The following DISP1 variants were observed in gnomAD, a reference collection of about 807,000 sequenced individuals.
DISP1 encodes the protein protein dispatched homolog 1.
In DISP1, 30 loss-of-function variants were observed where a neutral mutation model predicts 37.3. The observed-to-expected ratio is 0.80, with a 90% CI of 0.60 to 1.09. The LOEUF (loss-of-function observed/expected upper bound fraction) is 1.09, where lower values mean the gene tolerates loss of function less well. DISP1 is among the 50% of genes least tolerant of loss of function. The probability of loss-of-function intolerance (pLI) is 0.00; values close to 1 mark genes in which losing one functional copy is unlikely to be tolerated. For synonymous variants in DISP1, 634 were observed against 690.2 expected (o/e 0.92, Z 1.28); for missense variants, 1,598 against 1,879.5 (o/e 0.85, Z 2.77).
Position 222,895,434 on chromosome 1 carries a change from A to T in DISP1, c.-158-32996A>T, listed in dbSNP as rs140171538. Among the ~76,000 whole-genome samples, 234 of 149,618 alleles carry T rather than the reference A, an allele frequency of 1.6e-3. 2 individuals carry two copies. The highest frequency in any genetic ancestry group is 3.5e-3 in the East Asian group (18 of 5,190). ...TTGTTTTAAGAATAACTGATTTTTT[A>T]AAAAAATGATGAAATACAAACTTCT... On this transcript the variant is annotated intron_variant, in intron 1 of 8. Coordinates refer to ENST00000675850, the MANE Select transcript of DISP1 (RefSeq NM_001377229.1).
chr1:222,867,701 G>C (rs1022024216), intron 1 of DISP1, among the ~76,000 whole-genome samples: 1 of 152,180 alleles, frequency 6.6e-6, no homozygotes, highest in Non-Finnish European at 1.5e-5. Flanking sequence ...TAGTGGCAAA[G>C]CTAGAAATAG....
At chr1:222,996,818 C>G (rs1397941412) in intron 8 of DISP1, among the ~76,000 whole-genome samples, 1 of 152,084 alleles carries the variant, frequency 6.6e-6, no homozygotes, top group African/African-American at 2.4e-5. Flanking sequence ...AAGATACCTC[C>G]CCCGTTTTGT....
At chr1:222,947,569 C>A (rs1271870027) in intron 3 of DISP1, among the ~76,000 whole-genome samples, 1 of 152,064 alleles carries the variant, frequency 6.6e-6, no homozygotes, top group Admixed American at 6.6e-5. Flanking sequence ...TATGCTCAGA[C>A]CAGAAGTGGA....
chr1:222,952,708 GGT>G (rs1438538438), intron 3 of DISP1, among the ~76,000 whole-genome samples: 1 of 152,098 alleles, frequency 6.6e-6, no homozygotes, highest in Admixed American at 6.5e-5. Context: ...AAATTAGCTG[GGT>G]GTGGTGGCAC....
intron 1 of DISP1, among the ~76,000 whole-genome samples, chr1:222,822,388 T>C (rs1304845695): frequency 6.6e-6 from 1 of 152,216 alleles, no homozygotes; most frequent in African/African-American, 2.4e-5. Context: ...CCTCTTTATA[T>C]CATTTTGTAT....
In DISP1 at chr1:223,002,428, C is replaced by G. The variant is rs762959270; in HGVS notation, c.1031C>G (p.Thr344Ser). Residue 344 changes from threonine to serine, a missense_variant, in exon 9 of 9, where the codon ACT becomes AGT. Physicochemically the swap from Thr to Ser is moderately conservative, Grantham distance 58. Transcript: ENST00000675850. ...PQFGDLCQRT[T>S]AASCCPSWTL... Reference sequence around the variant, plus strand: ...TTTGGTGATCTCTGCCAGAGGACCACTGCTGCCTCCTGCTGCCCCAGCTGG... The same window carrying G: ...TTTGGTGATCTCTGCCAGAGGACCAGTGCTGCCTCCTGCTGCCCCAGCTGG... 1 of 1,614,184 alleles carries G rather than the reference C, an allele frequency of 6.2e-7. No individual in the cohort carries two copies. Among genetic ancestry groups the G allele is most frequent in the African/African-American group, 1.3e-5 (1 of 75,046 alleles).
chr1:222,869,823 T>C (rs1234361148), intron 1 of DISP1, among the ~76,000 whole-genome samples: 1 of 152,160 alleles, frequency 6.6e-6, no homozygotes, highest in East Asian at 1.9e-4. Flanking sequence ...AGTTTTAGGG[T>C]ACATGTGCAC....
At chr1:222,871,639 C>T (rs373684302) in intron 1 of DISP1, among the ~76,000 whole-genome samples, 2 of 152,140 alleles carry the variant, frequency 1.3e-5, no homozygotes, top group African/African-American at 2.4e-5. Flanking sequence ...ATTGATTTTG[C>T]ATCCTGAGAC....
chr1:222,990,530 A>G, intron 4 of DISP1, 95 bp from the exon 5 acceptor site: 1 of 1,598,934 alleles, frequency 6.3e-7, no homozygotes, highest in Non-Finnish European at 8.6e-7. Flanking sequence ...TGTCTTAGGT[A>G]CCAAAAATAT....
chr1:222,956,396 G>A (rs574565883), intron 3 of DISP1, among the ~76,000 whole-genome samples: 3 of 152,316 alleles, frequency 2.0e-5, no homozygotes, highest in African/African-American at 7.2e-5. Flanking sequence ...CAAGAAATCA[G>A]ATTAATGACT....
At chr1:222,937,612 C>G (rs1674049476) in intron 2 of DISP1, among the ~76,000 whole-genome samples, 2 of 151,836 alleles carry the variant, frequency 1.3e-5, no homozygotes, top group Admixed American at 1.3e-4. Flanking sequence ...ACCTTGTAGC[C>G]CCAAAATTGC....
At chr1:222,836,027 G>A (rs1168084488) in intron 1 of DISP1, among the ~76,000 whole-genome samples, 2 of 151,788 alleles carry the variant, frequency 1.3e-5, no homozygotes, top group Non-Finnish European at 2.9e-5. Flanking sequence ...TAAGATAGTA[G>A]TAGCAAATAG....
At chr1:222,826,965 C>T (rs1172784906) in intron 1 of DISP1, among the ~76,000 whole-genome samples, 3 of 152,150 alleles carry the variant, frequency 2.0e-5, no homozygotes, top group African/African-American at 7.2e-5. Flanking sequence ...ATGTTATTTT[C>T]TATTAGAGTA....
At position 222,919,425 on chromosome 1, in the gene DISP1, G is replaced by A. The variant is rs139828237; in HGVS notation, c.-158-9005G>A. Among the ~76,000 whole-genome samples the A allele has an allele frequency of 7.2e-5, 11 of 152,282 alleles. No homozygotes were observed. The South Asian group carries it at 1.2e-3, about 17-fold the overall frequency. Reference sequence around the variant, plus strand: ...TGATCAATCAAACAGCTGACCAATCGTTATCTGCTCCTCCCTGCTCTGTCT... The same window carrying A: ...TGATCAATCAAACAGCTGACCAATCATTATCTGCTCCTCCCTGCTCTGTCT... On this transcript the variant is annotated intron_variant, in intron 1 of 8. Transcript: ENST00000675850.
intron 1 of DISP1, among the ~76,000 whole-genome samples, chr1:222,829,938 G>GT (rs907517540): frequency 3.3e-5 from 5 of 151,726 alleles, no homozygotes; most frequent in South Asian, 2.1e-4. Flanking sequence ...TGTTTTGTGG[G>GT]TTTTTTTTAG....
intron 1 of DISP1, among the ~76,000 whole-genome samples, chr1:222,844,004 C>A (rs1218180497): frequency 1.3e-5 from 2 of 152,078 alleles, no homozygotes; most frequent in African/African-American, 4.8e-5. Context: ...AAAGTACTAC[C>A]TTTTTACATG....
intron 3 of DISP1, among the ~76,000 whole-genome samples, chr1:222,954,698 G>T (rs1303038762): frequency 6.6e-6 from 1 of 152,094 alleles, no homozygotes; most frequent in Non-Finnish European, 1.5e-5. Flanking sequence ...TGTCATAGGA[G>T]AGGGGAGGGG....
intron 1 of DISP1, among the ~76,000 whole-genome samples, chr1:222,824,191 C>G (rs1346600456): frequency 1.3e-5 from 2 of 151,858 alleles, no homozygotes; most frequent in Non-Finnish European, 2.9e-5. Flanking sequence ...AAATTTTTTT[C>G]CACCAAAGAG....
At chr1:222,960,108 G>GAA in intron 3 of DISP1, among the ~76,000 whole-genome samples, 1 of 152,300 alleles carries the variant, frequency 6.6e-6, no homozygotes, top group South Asian at 2.1e-4. Context: ...CTTGAACTCA[G>GAA]CTCTGGATCA....
Sources: allele counts gnomAD v4.1 joint callset (sites outside exome capture counted in the v4.1 genomes callset), GRCh38; gene constraint gnomAD v4.1.1; transcripts MANE v1.5; gene names NCBI Gene and HGNC (gene_info 2026-07-23, HGNC 2026-07-21).